The following IDS variants were observed in gnomAD, a reference collection of about 807,000 sequenced individuals.
The protein encoded by IDS is iduronate 2-sulfatase.
Under a neutral mutation model 33.5 loss-of-function variants are expected in IDS, and 1 was observed. The observed-to-expected ratio is 0.03, with a 90% confidence interval of 0.01 to 0.14. IDS has a LOEUF of 0.14. Among genes scored for constraint, IDS ranks in the 10% least tolerant of loss-of-function variants. The probability of loss-of-function intolerance (pLI) is 1.00; values close to 1 mark genes in which losing one functional copy is unlikely to be tolerated. For missense variants in IDS, 328 were observed against 448.0 expected (o/e 0.73, Z 2.42); for synonymous variants, 191 against 184.4 (o/e 1.04, Z -0.29).
At chrX:149,494,275 G>A (rs1013759265) in intron 6 of IDS, among the ~76,000 whole-genome samples, 14 of 112,096 alleles carry the variant, frequency 1.2e-4, no homozygotes, top group Non-Finnish European at 2.3e-4. Context: ...CTGCCACCAG[G>A]CCTTAGCTAT....
In IDS at chrX:149,483,096, C is replaced by A. The variant is rs2089307002; in HGVS notation, c.1303G>T (p.Gly435Cys). Residue 435 changes from glycine to cysteine, a missense_variant, in exon 9 of 9, where the codon GGC becomes TGC. Physicochemically the swap from Gly to Cys is radical, Grantham distance 159. Around this residue, in one of 4 missense-constraint regions of IDS, gnomAD observed 265 missense variants for 339.2 expected, o/e 0.78. Transcript: ENST00000340855. ...CGAAAATGCTTCAGAAGGTTCTTGC[C>A]TTCTCTGCACAGCTCAACGTGAAAT... ...PSFHVELCRE[G>C]KNLLKHFRFR... The A allele has an allele frequency of 8.3e-7, 1 of 1,205,079 alleles. No individual in the cohort carries two copies. Among genetic ancestry groups the A allele is most frequent in the Admixed American group, 2.2e-5 (1 of 45,409 alleles).
intron 8 of IDS, among the ~76,000 whole-genome samples, chrX:149,484,511 G>A (rs1322548185): frequency 2.7e-5 from 3 of 112,225 alleles, no homozygotes; most frequent in South Asian, 3.7e-4. Flanking sequence ...TAGTAGAGAT[G>A]GGGTTTCTCC....
chrX:149,504,422 G>A, intron 1 of IDS, 129 bp from the exon 2 acceptor site: 7 of 723,238 alleles, frequency 9.7e-6, no homozygotes, highest in South Asian at 5.0e-5. Context: ...CAGGGAGGGC[G>A]CTGTGCCTCA....
intron 6 of IDS, among the ~76,000 whole-genome samples, chrX:149,493,546 C>G (rs782540025): frequency 9.0e-6 from 1 of 111,300 alleles, no homozygotes; most frequent in African/African-American, 3.3e-5. Context: ...GGGGCTGGCA[C>G]TTTTGCAGCT....
chrX:149,482,781 G>T lies in IDS; in HGVS notation c.1618C>A (p.Gln540Lys). Residue 540 changes from glutamine (Q) to lysine (K), a missense_variant, in exon 9 of 9, where the codon CAA (glutamine) becomes AAA (lysine). By Grantham distance (53) the Gln-to-Lys change is moderately conservative. Around this residue, in one of 4 missense-constraint regions of IDS, gnomAD observed 265 missense variants for 339.2 expected, o/e 0.78. Transcript: ENST00000340855. ...AACAACTGGAAAAGATCTCCACCTT[G>T]GGAATCATTATACATATTGTGATCC... The part of the protein sequence containing the change: ...LQDHNMYNDS[Q>K]GGDLFQLLMP The T allele has an allele frequency of 8.3e-7, 1 of 1,211,668 alleles. No individual in the cohort carries two copies. Among genetic ancestry groups the T allele is most frequent in the Non-Finnish European group, 1.1e-6 (1 of 895,521 alleles).
chrX:149,486,078 C>T (rs781906963), intron 8 of IDS, among the ~76,000 whole-genome samples: 12 of 111,728 alleles, frequency 1.1e-4, no homozygotes, highest in African/African-American at 3.6e-4. Context: ...AAACGTCATA[C>T]GTCATTTCAG....
At position 149,478,877 on chromosome X, in the gene IDS, TTTGA is replaced by T. The variant is rs1221496473; in HGVS notation, c.*3865_*3868del. 8.9e-6 allele frequency: 1 copy of T among 112,561 alleles called. No homozygotes were observed. Among genetic ancestry groups the T allele is most frequent in the Admixed American group, 9.4e-5 (1 of 10,685 alleles). 9.3% of individuals were successfully genotyped at this position (112,561 alleles called of 1,213,427 possible). ...TATCACACAGGAAAAGATAAATATG[TTTGA>T]TTATTTTAAAAGGTGAAACCCATAA... On this transcript the variant is annotated 3_prime_UTR_variant, in exon 9 of 9. Coordinates refer to ENST00000340855, the MANE Select transcript of IDS (RefSeq NM_000202.8).
intron 6 of IDS, among the ~76,000 whole-genome samples, chrX:149,494,658 T>C (rs1557339113): frequency 2.7e-5 from 3 of 111,515 alleles, no homozygotes. Context: ...CTGTCCACTG[T>C]GTGTAAGGAG....
At chrX:149,487,803 A>G (rs1179088559) in intron 7 of IDS, among the ~76,000 whole-genome samples, 1 of 104,575 alleles carries the variant, frequency 9.6e-6, no homozygotes, top group Non-Finnish European at 2.0e-5. Context: ...GATACAAAAA[A>G]TGTGCATGAC....
chrX:149,503,308 G>T lies in IDS; in HGVS notation c.418+4C>A. The T allele has an allele frequency of 8.3e-7, 1 of 1,209,255 alleles. No homozygotes were observed. The highest frequency in any genetic ancestry group is 1.1e-6 in the Non-Finnish European group (1 of 894,301). On this transcript the variant is annotated splice_donor_region_variant and intron_variant, in intron 3 of 8. Coordinates refer to ENST00000340855, the MANE Select transcript of IDS (RefSeq NM_000202.8). ...GAACCCAGACTCTGGACATGGAGCA[G>T]TACCAGGGTGAAAGACTTTTCCCAC...
chrX:149,501,480 C>T (rs1287116952), intron 3 of IDS, among the ~76,000 whole-genome samples: 3 of 112,301 alleles, frequency 2.7e-5, no homozygotes, highest in African/African-American at 9.7e-5. Context: ...ATTCCAAGTT[C>T]AAGTGCTCAT....
At chrX:149,493,920 C>T (rs1184497766) in intron 6 of IDS, among the ~76,000 whole-genome samples, 1 of 111,360 alleles carries the variant, frequency 9.0e-6, no homozygotes, top group Non-Finnish European at 1.9e-5. Context: ...TCCATTTCTA[C>T]AAGAGGAAAG....
chrX:149,495,529 T>C (rs1557339207), intron 6 of IDS: 2 of 108,282 alleles, frequency 1.8e-5, no homozygotes, highest in Non-Finnish European at 3.9e-5. Context: ...CAGCTTCCAA[T>C]TGTGTAAATC....
intron 4 of IDS, 113 bp downstream of exon 4, chrX:149,500,836 C>T (rs1323549938): frequency 1.8e-6 from 1 of 555,742 alleles, no homozygotes; most frequent in Non-Finnish European, 3.2e-6. Flanking sequence ...ACAAATGAAA[C>T]CCACAACTTC....
intron 3 of IDS, among the ~76,000 whole-genome samples, chrX:149,502,508 C>G (rs1329890696): frequency 2.7e-5 from 3 of 112,546 alleles, no homozygotes; most frequent in African/African-American, 9.7e-5. Flanking sequence ...CACTCTCAAC[C>G]TGGGCTGGCC....
Position 149,490,440 on chromosome X carries a change from G to A in IDS, c.880C>T (p.Arg294Trp), listed in dbSNP as rs199754105. Residue 294 changes from arginine to tryptophan, a missense_variant and splice_region_variant, in exon 7 of 9, where the codon CGG becomes TGG. By Grantham distance (101) the Arg-to-Trp change is moderately radical. Around this residue, in one of 4 missense-constraint regions of IDS, gnomAD observed 265 missense variants for 339.2 expected, o/e 0.78. Coordinates refer to ENST00000340855, the MANE Select transcript of IDS (RefSeq NM_000202.8). ...PYGPIPVDFQ[R>W]KIRQSYFASV... is the part of the protein sequence containing the mutation. ...GCAAAGTAGCTCTGGCGGATTTTCC[G>A]CTGCAAATTGAAAAAAAATAAAAAT... 4.1e-5 allele frequency: 50 copies of A among 1,208,293 alleles called. No individual in the cohort carries two copies. The highest frequency in any genetic ancestry group is 8.8e-5 in the African/African-American group (5 of 56,888).
rs2089276771 is a variant in IDS at position 149,478,272 on chromosome X, A to G, written c.*4474T>C. 8.9e-6 allele frequency: 1 copy of G among 112,435 alleles called. No homozygotes were observed. The highest frequency in any genetic ancestry group is 3.7e-4 in the South Asian group (1 of 2,709). The allele number at this position is 112,435 out of a possible 1,213,427, so 9.3% of individuals were successfully genotyped here. ...TTAATGTAGGTTGGGTGTATACCCA[A>G]AACAATTAAGAGCAGGGACTCGAAC... On this transcript the variant is annotated 3_prime_UTR_variant, in exon 9 of 9. Coordinates refer to ENST00000340855, the MANE Select transcript of IDS (RefSeq NM_000202.8).
Position 149,482,374 on chromosome X carries a change from C to A in IDS, c.*372G>T. The A allele has an allele frequency of 6.1e-6, 1 of 163,730 alleles. No homozygotes were observed. Among genetic ancestry groups the A allele is most frequent in the Non-Finnish European group, 1.2e-5 (1 of 86,060 alleles). 13.5% of individuals were successfully genotyped at this position (163,730 alleles called of 1,213,427 possible). A position where few individuals can be genotyped will look rare whatever the true frequency, so the allele number is the denominator to read the frequency against. On this transcript the variant is annotated 3_prime_UTR_variant, in exon 9 of 9. Coordinates refer to ENST00000340855, the MANE Select transcript of IDS (RefSeq NM_000202.8). ...TTACTTTTTGAAATGCACTAAATTC[C>A]ACAAATAATGAAAGTATTCTTTGTG... is the stretch of plus-strand genomic sequence containing the variant.
intron 8 of IDS, among the ~76,000 whole-genome samples, chrX:149,483,937 C>T (rs2089313788): frequency 8.9e-6 from 1 of 112,632 alleles, no homozygotes; most frequent in Admixed American, 9.3e-5. Context: ...ACTTTTTTCA[C>T]TTAGCATAAT....
Sources: allele counts gnomAD v4.1 joint callset (sites outside exome capture counted in the v4.1 genomes callset), GRCh38; gene constraint gnomAD v4.1.1; regional missense constraint gnomAD v4.1.1; transcripts MANE v1.5; gene names NCBI Gene and HGNC (gene_info 2026-07-23, HGNC 2026-07-21).